KCNQ1: variants seen among roughly 807,000 people sequenced by gnomAD.
KCNQ1 encodes potassium voltage-gated channel subfamily Q member 1, also known as potassium voltage-gated channel subfamily KQT member 1.
Under a neutral mutation model 72.4 loss-of-function variants are expected in KCNQ1, and 49 were observed. The observed-to-expected ratio is 0.68, with a 90% CI of 0.54 to 0.86. The LOEUF (loss-of-function observed/expected upper bound fraction) is 0.86. Among genes scored for constraint, KCNQ1 ranks in the 40% least tolerant of loss-of-function variants. The pLI is 0.00. For synonymous variants in KCNQ1, 450 were observed against 412.6 expected (o/e 1.09, Z -1.10); for missense variants, 790 against 945.1 (o/e 0.84, Z 2.15).
intron 11 of KCNQ1, among the ~76,000 whole-genome samples, chr11:2,708,513 C>T (rs537008365): frequency 4.6e-5 from 7 of 152,186 alleles, no homozygotes; most frequent in African/African-American, 1.7e-4. Context: ...CCTGGTGGGC[C>T]AGGCAGGCAG....
chr11:2,635,063 T>C (rs961274803), intron 10 of KCNQ1: 6 of 152,236 alleles, frequency 3.9e-5, no homozygotes, highest in African/African-American at 9.6e-5. Flanking sequence ...TTGAGTTCTT[T>C]GTAGATTCTG....
Position 2,808,528 on chromosome 11 carries a change from C to G in KCNQ1, c.1794+30491C>G, listed in dbSNP as rs1356835802. On this transcript the variant is annotated intron_variant, in intron 15 of 15. Coordinates refer to ENST00000155840, the MANE Select transcript of KCNQ1 (RefSeq NM_000218.3). The surrounding 1 kb of genome is among the most constrained non-coding windows in gnomAD (Gnocchi z 6.0). ...AGCAGAGAAGAAAACAAAAGAGGAC[C>G]ATAATATCTCCACAGAGAACTATCA... 6.6e-6 allele frequency among the ~76,000 whole-genome samples: 1 copy of G among 152,112 alleles called. No homozygotes were observed. Among genetic ancestry groups the G allele is most frequent in the African/African-American group, 2.4e-5 (1 of 41,412 alleles).
In KCNQ1 at chr11:2,678,343, CT is replaced by C. The variant is rs776498184; in HGVS notation, c.1514+16265del. On this transcript the variant is annotated intron_variant, in intron 11 of 15. Transcript: ENST00000155840. The surrounding 1 kb of genome is among the most constrained non-coding windows in gnomAD (Gnocchi z 4.9). Reference sequence around the variant, plus strand: ...TTCATTTTTTACATTTAAATCCTTGCTTTATCGGGATTTTGACAGAGTAATT... The same window carrying C: ...TTCATTTTTTACATTTAAATCCTTGCTTATCGGGATTTTGACAGAGTAATT... 3 of 398,344 alleles carry C rather than the reference CT, an allele frequency of 7.5e-6. No individual in the cohort carries two copies. Among genetic ancestry groups the C allele is most frequent in the Non-Finnish European group, 1.3e-5 (3 of 226,032 alleles). 24.7% of individuals were successfully genotyped at this position (398,344 alleles called of 1,614,324 possible).
chr11:2,830,452 A>G lies in KCNQ1; in HGVS notation c.1795-17315A>G, dbSNP rs1030746730. Among the ~76,000 whole-genome samples, 3 of 152,090 alleles carry G rather than the reference A, an allele frequency of 2.0e-5. No homozygotes were observed. Among genetic ancestry groups the G allele is most frequent in the Non-Finnish European group, 1.5e-5 (1 of 67,976 alleles). On this transcript the variant is annotated intron_variant, in intron 15 of 15. Transcript: ENST00000155840. This position sits in a 1 kb window ranked among gnomAD's most constrained non-coding sequence, Gnocchi z 7.7. Reference sequence around the variant, plus strand: ...CTGTTAAAGGACCTAGGTCCTCCCAATGGCCTGCAAACCACACCCAGTCTA... The same window carrying G: ...CTGTTAAAGGACCTAGGTCCTCCCAGTGGCCTGCAAACCACACCCAGTCTA...
intron 1 of KCNQ1, among the ~76,000 whole-genome samples, chr11:2,476,311 A>T (rs1298467841): frequency 6.6e-6 from 1 of 152,226 alleles, no homozygotes; most frequent in Non-Finnish European, 1.5e-5. Context: ...AAGTTTAATT[A>T]ATGAAAGTCT....
rs922302110 is a variant in KCNQ1, at chr11:2,826,810, C to G, written c.1795-20957C>G. On this transcript the variant is annotated intron_variant, in intron 15 of 15. Coordinates refer to ENST00000155840, the MANE Select transcript of KCNQ1 (RefSeq NM_000218.3). This position sits in a 1 kb window ranked among gnomAD's most constrained non-coding sequence, Gnocchi z 4.2. ...TGCTGGGGAGACACACTAACCACTT[C>G]CCCATATGCTCACAGCCAGAGAGAC... Among the ~76,000 whole-genome samples, 1 of 152,242 alleles carries G rather than the reference C, an allele frequency of 6.6e-6. No homozygotes were observed. The highest frequency in any genetic ancestry group is 6.5e-5 in the Admixed American group (1 of 15,290).
intron 1 of KCNQ1, among the ~76,000 whole-genome samples, chr11:2,523,758 T>G (rs1847440095): frequency 1.4e-5 from 2 of 146,490 alleles, no homozygotes; most frequent in African/African-American, 2.6e-5. Context: ...ACAGTTTTTT[T>G]TTTTTTTTTT....
intron 10 of KCNQ1, among the ~76,000 whole-genome samples, chr11:2,604,063 C>T (rs953893136): frequency 6.6e-6 from 1 of 152,094 alleles, no homozygotes; most frequent in South Asian, 2.1e-4. Context: ...TTTTGTTTAT[C>T]CATTTATTTG....
Position 2,620,211 on chromosome 11 carries a change from A to AT in KCNQ1, c.1393+31369dup, listed in dbSNP as rs1312458170. ...TAAGTTCATTCATGTATATATATATATTTTTTTTTTTTATTTTTTTTTTAG... is the reference window on the plus strand; with the variant it reads ...TAAGTTCATTCATGTATATATATATATTTTTTTTTTTTTATTTTTTTTTTAG... On this transcript the variant is annotated intron_variant, in intron 10 of 15. Coordinates refer to ENST00000155840, the MANE Select transcript of KCNQ1 (RefSeq NM_000218.3). The surrounding 1 kb of genome is among the most constrained non-coding windows in gnomAD (Gnocchi z 4.5). 6.6e-3 allele frequency: 1,718 copies of AT among 261,440 alleles called. 10 individuals carry two copies. Among genetic ancestry groups the AT allele is most frequent in the African/African-American group, 0.029 (1,102 of 38,088 alleles). The allele number at this position is 261,440 out of a possible 1,614,324, so 16.2% of individuals were successfully genotyped here. A position where few individuals can be genotyped will look rare whatever the true frequency, so the allele number is the denominator to read the frequency against.
At position 2,611,324 on chromosome 11, in the gene KCNQ1, G is replaced by A. The variant is rs569889392; in HGVS notation, c.1393+22470G>A. On this transcript the variant is annotated intron_variant, in intron 10 of 15. Transcript: ENST00000155840. The surrounding 1 kb of genome is among the most constrained non-coding windows in gnomAD (Gnocchi z 5.3). ...AACCTCTGCCTCCCGGATTCAAGCC[G>A]TTCTCTTGCCTCAGCATCCCAAGTA... is the stretch of plus-strand genomic sequence containing the variant. 3.3e-5 allele frequency: 13 copies of A among 396,882 alleles called. No individual in the cohort carries two copies. The South Asian group carries it at 8.6e-4, about 26-fold the overall frequency. The allele number at this position is 396,882 out of a possible 1,614,324, so 24.6% of individuals were successfully genotyped here.
Position 2,612,341 on chromosome 11 carries a change from A to G in KCNQ1, c.1393+23487A>G. ...TAAAGCCTCCCCCAACTGGCTGTGG[A>G]AAAATTGTCTTCCACAAAACTGGTC... On this transcript the variant is annotated intron_variant, in intron 10 of 15. Coordinates refer to ENST00000155840, the MANE Select transcript of KCNQ1 (RefSeq NM_000218.3). The surrounding 1 kb of genome is among the most constrained non-coding windows in gnomAD (Gnocchi z 5.5). The G allele has an allele frequency of 2.5e-6, 1 of 398,680 alleles. No homozygotes were observed. The allele number at this position is 398,680 out of a possible 1,614,324, so 24.7% of individuals were successfully genotyped here. A position where few individuals can be genotyped will look rare whatever the true frequency, so the allele number is the denominator to read the frequency against.
Position 2,662,069 on chromosome 11 carries a change from C to A in KCNQ1, c.1502C>A (p.Thr501Asn). ...LEGETLLTPI[T>N]HISQLREHHR... ...GGGGAGACTCTGCTGACACCCATCA[C>A]CCACATCTCACAGTGAGTGCCTACA... The change falls in exon 11 of 16, where the codon ACC (threonine) becomes AAC (asparagine). Residue 501 changes from threonine to asparagine, a missense_variant. Physicochemically the swap from Thr to Asn is moderately conservative, Grantham distance 65. Transcript: ENST00000155840. The A allele has an allele frequency of 1.2e-6, 2 of 1,614,232 alleles. No individual in the cohort carries two copies. Among genetic ancestry groups the A allele is most frequent in the South Asian group, 2.2e-5 (2 of 91,086 alleles).
At chr11:2,644,886 C>T in intron 10 of KCNQ1, 1 of 398,824 alleles carries the variant, frequency 2.5e-6, no homozygotes, top group Non-Finnish European at 4.4e-6. Flanking sequence ...GTGGTAAAGT[C>T]TGGCTGGGGA....
At position 2,712,603 on chromosome 11, in the gene KCNQ1, G is replaced by A. The variant is rs1851024439; in HGVS notation, c.1514+50522G>A. On this transcript the variant is annotated intron_variant, in intron 11 of 15. Transcript: ENST00000155840. The surrounding 1 kb of genome is among the most constrained non-coding windows in gnomAD (Gnocchi z 6.4). ...CACTCTTCTCTCTTAGGTGGTTTGAGGAGACTTAGGGGCTTCCATATTCCC... is the reference window on the plus strand; with the variant it reads ...CACTCTTCTCTCTTAGGTGGTTTGAAGAGACTTAGGGGCTTCCATATTCCC... Among the ~76,000 whole-genome samples, 1 of 152,194 alleles carries A rather than the reference G, an allele frequency of 6.6e-6. No individual in the cohort carries two copies. The highest frequency in any genetic ancestry group is 1.5e-5 in the Non-Finnish European group (1 of 68,024).
Position 2,661,177 on chromosome 11 carries a change from G to C in KCNQ1, c.1394-784G>C. 5.0e-6 allele frequency: 2 copies of C among 398,572 alleles called. No homozygotes were observed. Among genetic ancestry groups the C allele is most frequent in the Non-Finnish European group, 8.8e-6 (2 of 226,104 alleles). 24.7% of individuals were successfully genotyped at this position (398,572 alleles called of 1,614,324 possible). A position where few individuals can be genotyped will look rare whatever the true frequency, so the allele number is the denominator to read the frequency against. On this transcript the variant is annotated intron_variant, in intron 10 of 15. Coordinates refer to ENST00000155840, the MANE Select transcript of KCNQ1 (RefSeq NM_000218.3). The surrounding 1 kb of genome is among the most constrained non-coding windows in gnomAD (Gnocchi z 5.9). ...TTGGCAGTTAACACTGATGACCTTG[G>C]GGGAGGAAAGCCATTGTGAATCTTT...
intron 15 of KCNQ1, among the ~76,000 whole-genome samples, chr11:2,844,999 C>G (rs1848292601): frequency 6.6e-6 from 1 of 152,232 alleles, no homozygotes. Context: ...CCCACGCTGG[C>G]TGCACCTTTG....
At chr11:2,707,461 C>T (rs1389822915) in intron 11 of KCNQ1, among the ~76,000 whole-genome samples, 1 of 152,174 alleles carries the variant, frequency 6.6e-6, no homozygotes, top group Non-Finnish European at 1.5e-5. Flanking sequence ...TGCCCCCACC[C>T]CACCCCCAGG....
At position 2,645,706 on chromosome 11, in the gene KCNQ1, A is replaced by G. The variant is rs1287782636; in HGVS notation, c.1394-16255A>G. On this transcript the variant is annotated intron_variant, in intron 10 of 15. Transcript: ENST00000155840. The surrounding 1 kb of genome is among the most constrained non-coding windows in gnomAD (Gnocchi z 5.8). ...CTTTGGCCTGGAGGGAGCAGTCAGGAGTGGCAACCAGCTTTGTGTAAGGGA... is the reference window on the plus strand; with the variant it reads ...CTTTGGCCTGGAGGGAGCAGTCAGGGGTGGCAACCAGCTTTGTGTAAGGGA... 5.0e-6 allele frequency: 2 copies of G among 398,832 alleles called. No homozygotes were observed. The highest frequency in any genetic ancestry group is 2.1e-5 in the African/African-American group (1 of 48,732). The allele number at this position is 398,832 out of a possible 1,614,324, so 24.7% of individuals were successfully genotyped here. A position where few individuals can be genotyped will look rare whatever the true frequency, so the allele number is the denominator to read the frequency against.
chr11:2,713,037 C>T lies in KCNQ1; in HGVS notation c.1514+50956C>T, dbSNP rs1851031297. Among the ~76,000 whole-genome samples the T allele has an allele frequency of 1.3e-5, 2 of 152,124 alleles. No homozygotes were observed. Among genetic ancestry groups the T allele is most frequent in the Non-Finnish European group, 2.9e-5 (2 of 68,028 alleles). On this transcript the variant is annotated intron_variant, in intron 11 of 15. Transcript: ENST00000155840. The surrounding 1 kb of genome is among the most constrained non-coding windows in gnomAD (Gnocchi z 5.6). Reference sequence around the variant, plus strand: ...AGGAACCACCCCTTGGCATGGGGCACCCAGAAGGCAGCAGGCTAACGACTC... The same window carrying T: ...AGGAACCACCCCTTGGCATGGGGCATCCAGAAGGCAGCAGGCTAACGACTC...
Sources: gnomAD v4.1 joint callset for allele counts (sites outside exome capture counted in the v4.1 genomes callset) on GRCh38, gnomAD v4.1.1 for gene constraint, Gnocchi (gnomAD v3.1) non-coding constraint, MANE v1.5 for transcripts, NCBI Gene and HGNC (gene_info 2026-07-23, HGNC 2026-07-21) for gene names.